MRTFB: variants seen among roughly 807,000 people sequenced by gnomAD.
MRTFB encodes myocardin related transcription factor B.
In MRTFB, 29 loss-of-function variants were observed where a neutral mutation model predicts 104.2. That is an observed-to-expected ratio of 0.28 (90% CI 0.21 to 0.38). The LOEUF (loss-of-function observed/expected upper bound fraction) is 0.38. Among genes scored for constraint, MRTFB ranks in the 10% least tolerant of loss-of-function variants. MRTFB has a pLI of 1.00. For synonymous variants in MRTFB, 535 were observed against 519.5 expected (o/e 1.03, Z -0.41); for missense variants, 1,270 against 1,341.6 (o/e 0.95, Z 0.83).
chr16:14,049,334 G>A, the MRTFB span, among the ~76,000 whole-genome samples: 1 of 152,204 alleles, frequency 6.6e-6, no homozygotes, highest in African/African-American at 2.4e-5. Context: ...AGAAGCCAGT[G>A]TCACTTGCCA....
In MRTFB at chr16:14,194,069, G is replaced by A. The variant is rs73516988; in HGVS notation, c.155-16174G>A. ...AGCTTTCAGGAAAAAGTATAGATAC[G>A]TTTGAAACATTGGGTTTTCCGTTGT... On this transcript the variant is annotated intron_variant, in intron 3 of 16. Transcript: ENST00000571589. Among the ~76,000 whole-genome samples the A allele has an allele frequency of 5.7e-4, 87 of 152,276 alleles. 1 individual carries two copies. The highest frequency in any genetic ancestry group is 1.8e-3 in the African/African-American group (75 of 41,560).
intron 3 of MRTFB, among the ~76,000 whole-genome samples, chr16:14,171,418 G>T (rs1423287037): frequency 6.6e-6 from 1 of 151,940 alleles, no homozygotes; most frequent in African/African-American, 2.4e-5. Context: ...TCTCTTGAAC[G>T]TGGGAGACAG....
At chr16:14,083,288 A>G (rs1042196790) in intron 2 of MRTFB, among the ~76,000 whole-genome samples, 4 of 152,176 alleles carry the variant, frequency 2.6e-5, no homozygotes, top group Admixed American at 6.5e-5. Flanking sequence ...ATATAAGGTC[A>G]TGCCATCTGC....
At chr16:14,220,264 G>A (rs902815164) in intron 8 of MRTFB, among the ~76,000 whole-genome samples, 2 of 152,188 alleles carry the variant, frequency 1.3e-5, no homozygotes, top group Non-Finnish European at 2.9e-5. Context: ...TAAAAAGAAT[G>A]TCAAGTATGC....
At chr16:14,197,170 C>T (rs1784745947) in intron 3 of MRTFB, among the ~76,000 whole-genome samples, 1 of 151,702 alleles carries the variant, frequency 6.6e-6, no homozygotes, top group Non-Finnish European at 1.5e-5. Context: ...ATAGGGGTTT[C>T]ACCATATTGG....
chr16:14,236,052 C>T (rs1017126257), intron 9 of MRTFB, among the ~76,000 whole-genome samples: 5 of 152,116 alleles, frequency 3.3e-5, no homozygotes, highest in African/African-American at 1.2e-4. Flanking sequence ...CATGGTGGCA[C>T]ACACCTATGC....
In MRTFB at chr16:14,174,642, G is replaced by T. The variant is rs567611759; in HGVS notation, c.154+33882G>T. Among the ~76,000 whole-genome samples, 28 of 152,144 alleles carry T rather than the reference G, an allele frequency of 1.8e-4. No individual in the cohort carries two copies. The South Asian group carries it at 2.3e-3, about 12-fold the overall frequency. On this transcript the variant is annotated intron_variant, in intron 3 of 16. Coordinates refer to ENST00000571589, the MANE Select transcript of MRTFB (RefSeq NM_001308142.2). Reference sequence around the variant, plus strand: ...AGGTTGTGGTGAGCCAAAATCACACGACCACACTCCATCCTGGGCCACAGA... The same window carrying T: ...AGGTTGTGGTGAGCCAAAATCACACTACCACACTCCATCCTGGGCCACAGA...
intron 4 of MRTFB, 62 bp downstream of exon 4, chr16:14,210,370 A>G (rs1460551081): frequency 7.9e-7 from 1 of 1,270,350 alleles, no homozygotes; most frequent in Non-Finnish European, 1.1e-6. Context: ...GTGTCCAAGA[A>G]GAGCCTGCAT....
the MRTFB span, among the ~76,000 whole-genome samples, chr16:14,045,484 A>C: frequency 6.6e-6 from 1 of 152,218 alleles, no homozygotes; most frequent in Non-Finnish European, 1.5e-5. Flanking sequence ...AGATTAGAGA[A>C]CATATATCAG....
At chr16:14,031,104 T>C in the MRTFB span, among the ~76,000 whole-genome samples, 1 of 152,124 alleles carries the variant, frequency 6.6e-6, no homozygotes, top group Admixed American at 6.5e-5. Context: ...TTAACAAACA[T>C]CCAGGGACCA....
chr16:14,083,915 G>C (rs1226494874), intron 2 of MRTFB, among the ~76,000 whole-genome samples: 1 of 152,088 alleles, frequency 6.6e-6, no homozygotes, highest in Non-Finnish European at 1.5e-5. Flanking sequence ...ACAAAAAATA[G>C]TATTTTTTTG....
intron 3 of MRTFB, among the ~76,000 whole-genome samples, chr16:14,145,005 T>A (rs2038234647): frequency 6.9e-6 from 1 of 144,696 alleles, no homozygotes; most frequent in South Asian, 2.1e-4. Flanking sequence ...TGTATATATA[T>A]ATATATAACT....
intron 2 of MRTFB, among the ~76,000 whole-genome samples, chr16:14,108,996 A>G (rs912781199): frequency 1.3e-5 from 2 of 152,150 alleles, no homozygotes; most frequent in Non-Finnish European, 2.9e-5. Context: ...ACCCATTTCT[A>G]TTTTATTTGT....
At chr16:14,120,395 A>G (rs192774410) in intron 2 of MRTFB, among the ~76,000 whole-genome samples, 1 of 152,234 alleles carries the variant, frequency 6.6e-6, no homozygotes, top group Non-Finnish European at 1.5e-5. Context: ...AAGAGATCCT[A>G]CCATGTTTCC....
chr16:14,058,557 T>C, the MRTFB span, among the ~76,000 whole-genome samples: 2 of 152,114 alleles, frequency 1.3e-5, no homozygotes, highest in African/African-American at 4.8e-5. Context: ...TCAAGAAGAA[T>C]GAAATATGGT....
chr16:14,235,668 T>A (rs774233406), intron 9 of MRTFB, among the ~76,000 whole-genome samples: 3 of 152,170 alleles, frequency 2.0e-5, no homozygotes, highest in Non-Finnish European at 4.4e-5. Context: ...TAAGGAAAGC[T>A]GTTTCCCATC....
chr16:14,182,638 C>A (rs1302515910), intron 3 of MRTFB, among the ~76,000 whole-genome samples: 1 of 152,162 alleles, frequency 6.6e-6, no homozygotes, highest in African/African-American at 2.4e-5. Flanking sequence ...AACAGTGACA[C>A]CCTTGCAGCA....
At position 14,265,623 on chromosome 16, in the gene MRTFB, T is replaced by G. The variant is rs1482837836; in HGVS notation, c.*4179T>G. 1.3e-5 allele frequency: 2 copies of G among 152,216 alleles called. No individual in the cohort carries two copies. The highest frequency in any genetic ancestry group is 3.8e-4 in the East Asian group (2 of 5,206). 9.4% of individuals were successfully genotyped at this position (152,216 alleles called of 1,614,324 possible). A position where few individuals can be genotyped will look rare whatever the true frequency, so the allele number is the denominator to read the frequency against. The stretch of plus-strand genomic sequence containing the variant: ...TGCATGGCAATGAGCAGGTGCGTGT[T>G]TTTTCCACATTCGCCCTTTCTTGCA... On this transcript the variant is annotated 3_prime_UTR_variant, in exon 17 of 17. Coordinates refer to ENST00000571589, the MANE Select transcript of MRTFB (RefSeq NM_001308142.2).
At chr16:14,071,844 C>T (rs1470545776) in intron 1 of MRTFB, among the ~76,000 whole-genome samples, 2 of 152,196 alleles carry the variant, frequency 1.3e-5, no homozygotes, top group Non-Finnish European at 2.9e-5. Flanking sequence ...CCCTTTTCTC[C>T]TGGGGTCCCG....
Sources: allele counts gnomAD v4.1 joint callset (sites outside exome capture counted in the v4.1 genomes callset), GRCh38; gene constraint gnomAD v4.1.1; transcripts MANE v1.5; gene names NCBI Gene and HGNC (gene_info 2026-07-23, HGNC 2026-07-21).